The following SRBD1 variants were observed in gnomAD, a reference collection of about 807,000 sequenced individuals.
The protein encoded by SRBD1 is S1 RNA binding domain 1.
Under a neutral mutation model 115.3 loss-of-function variants are expected in SRBD1, and 88 were observed. That is an observed-to-expected ratio of 0.76 (90% confidence interval 0.64 to 0.91). The LOEUF is 0.91. Ranked by LOEUF, SRBD1 falls within the 40% of genes least tolerant of loss-of-function variation. The probability of loss-of-function intolerance (pLI) is 0.00; values close to 1 mark genes in which losing one functional copy is unlikely to be tolerated. For synonymous variants in SRBD1, 509 were observed against 407.7 expected (o/e 1.25, Z -2.99); for missense variants, 1,385 against 1,177.4 (o/e 1.18, Z -2.58).
chr2:45,596,282 A>G (rs1673891925), intron 4 of SRBD1, among the ~76,000 whole-genome samples: 1 of 152,234 alleles, frequency 6.6e-6, no homozygotes. Flanking sequence ...TTCAGCAAGT[A>G]ATCTTGCCTT....
chr2:45,445,277 A>C (rs1668786627), intron 16 of SRBD1, among the ~76,000 whole-genome samples: 1 of 152,144 alleles, frequency 6.6e-6, no homozygotes. Context: ...AACATTATTG[A>C]TGCAGATCTG....
intron 14 of SRBD1, among the ~76,000 whole-genome samples, chr2:45,497,451 G>C (rs1670494086): frequency 6.6e-6 from 1 of 152,102 alleles, no homozygotes; most frequent in South Asian, 2.1e-4. Flanking sequence ...TCAATCTAGA[G>C]CAGTAATTCT....
chr2:45,558,685 ATT>A (rs1214807980), intron 10 of SRBD1, among the ~76,000 whole-genome samples: 140 of 89,534 alleles, frequency 1.6e-3, no homozygotes, highest in African/African-American at 5.5e-3. Context: ...CCACACAATT[ATT>A]TTTTTTTTTT....
At chr2:45,468,468 G>A (rs1480118639) in intron 16 of SRBD1, among the ~76,000 whole-genome samples, 1 of 150,910 alleles carries the variant, frequency 6.6e-6, no homozygotes, top group African/African-American at 2.4e-5. Context: ...ACACAATGCA[G>A]CCTTTATCTT....
chr2:45,424,132 C>T (rs72616980), intron 16 of SRBD1, among the ~76,000 whole-genome samples: 6,719 of 152,088 alleles, frequency 0.044, 294 homozygotes, highest in East Asian at 0.13. Flanking sequence ...TCAACCCATG[C>T]TCAAATCATC....
At chr2:45,580,882 ACC>A (rs762258483) in intron 6 of SRBD1, among the ~76,000 whole-genome samples, 4 of 149,838 alleles carry the variant, frequency 2.7e-5, no homozygotes, top group Non-Finnish European at 5.9e-5. Flanking sequence ...ACGGGGTTTC[ACC>A]ATCTTGGCCA....
chr2:45,509,540 G>A (rs1002792527), intron 14 of SRBD1, among the ~76,000 whole-genome samples: 3 of 139,342 alleles, frequency 2.2e-5, no homozygotes, highest in Non-Finnish European at 4.8e-5. Flanking sequence ...AGCTGGCAGT[G>A]AGCAGAGATT....
intron 16 of SRBD1, among the ~76,000 whole-genome samples, chr2:45,446,681 C>T (rs1668832970): frequency 6.6e-6 from 1 of 151,220 alleles, no homozygotes; most frequent in Admixed American, 6.6e-5. Flanking sequence ...ACATGAGCAT[C>T]TAGGCATATC....
At chr2:45,451,890 A>C (rs1383555218) in intron 16 of SRBD1, among the ~76,000 whole-genome samples, 1 of 151,666 alleles carries the variant, frequency 6.6e-6, no homozygotes, top group Non-Finnish European at 1.5e-5. Context: ...TTTTACATAA[A>C]TGAGAGGTAA....
chr2:45,493,840 G>A (rs1670374347), intron 14 of SRBD1, among the ~76,000 whole-genome samples: 1 of 151,594 alleles, frequency 6.6e-6, no homozygotes, highest in African/African-American at 2.4e-5. Flanking sequence ...AATAAATTAG[G>A]TAATCTAGTG....
At chr2:45,546,680 C>A (rs1401389208) in intron 14 of SRBD1, 52 bp downstream of exon 14, 6 of 1,573,488 alleles carry the variant, frequency 3.8e-6, no homozygotes, top group South Asian at 1.1e-5. Flanking sequence ...ACAAAAGCAA[C>A]TTTAAAGTTC....
At chr2:45,540,900 G>C (rs1396196763) in intron 14 of SRBD1, among the ~76,000 whole-genome samples, 2 of 152,236 alleles carry the variant, frequency 1.3e-5, no homozygotes, top group African/African-American at 4.8e-5. Flanking sequence ...TTCCATTGAG[G>C]ATACAGAGAA....
intron 16 of SRBD1, among the ~76,000 whole-genome samples, chr2:45,437,495 TG>T (rs547033306): frequency 2.5e-4 from 38 of 152,288 alleles, no homozygotes; most frequent in African/African-American, 8.9e-4. Context: ...CAGGTGGTGC[TG>T]GAACAACTGG....
chr2:45,484,277 G>A (rs1558425748), intron 15 of SRBD1, among the ~76,000 whole-genome samples: 1 of 152,002 alleles, frequency 6.6e-6, no homozygotes, highest in Non-Finnish European at 1.5e-5. Flanking sequence ...GCTTACTTTG[G>A]GTGCTCTGGC....
intron 18 of SRBD1, among the ~76,000 whole-genome samples, chr2:45,414,672 T>C (rs1667726580): frequency 6.6e-6 from 1 of 150,474 alleles, no homozygotes; most frequent in Non-Finnish European, 1.5e-5. Flanking sequence ...ACATAGTGTA[T>C]ATAGTATGTA....
At chr2:45,406,515 T>G (rs1275615832) in intron 19 of SRBD1, among the ~76,000 whole-genome samples, 2 of 152,190 alleles carry the variant, frequency 1.3e-5, no homozygotes, top group African/African-American at 4.8e-5. Flanking sequence ...TAATTGACAT[T>G]CTACCTCCAT....
At chr2:45,432,529 T>C (rs1028576994) in intron 16 of SRBD1, among the ~76,000 whole-genome samples, 7 of 152,304 alleles carry the variant, frequency 4.6e-5, no homozygotes, top group African/African-American at 4.8e-5. Context: ...AAAAATCATA[T>C]GTATTCCATG....
At chr2:45,439,918 C>T (rs1480599980) in intron 16 of SRBD1, among the ~76,000 whole-genome samples, 3 of 152,048 alleles carry the variant, frequency 2.0e-5, no homozygotes, top group Non-Finnish European at 2.9e-5. Context: ...AGCTAGTGGC[C>T]GGGGTGCAAA....
chr2:45,427,655 CA>C (rs1553329580), intron 16 of SRBD1, among the ~76,000 whole-genome samples: 1 of 152,060 alleles, frequency 6.6e-6, no homozygotes, highest in Non-Finnish European at 1.5e-5. Flanking sequence ...GGCAGAAACA[CA>C]ACAAAAAAAG....
Sources: gnomAD v4.1 joint callset for allele counts (sites outside exome capture counted in the v4.1 genomes callset) on GRCh38, gnomAD v4.1.1 for gene constraint, MANE v1.5 for transcripts, NCBI Gene and HGNC (gene_info 2026-07-23, HGNC 2026-07-21) for gene names.